The following CYP3A7 variants were observed in gnomAD, a reference collection of about 807,000 sequenced individuals.
CYP3A7 encodes the protein cytochrome P450 3A7.
A neutral mutation model predicts 55.2 loss-of-function variants in CYP3A7; 45 were observed. The observed-to-expected ratio is 0.82, with a 90% CI of 0.64 to 1.05. The LOEUF (loss-of-function observed/expected upper bound fraction) is 1.05. CYP3A7 is among the 50% of genes least tolerant of loss of function. The pLI is 0.00. For synonymous variants in CYP3A7, 180 were observed against 207.4 expected (o/e 0.87, Z 1.13); for missense variants, 548 against 605.3 (o/e 0.91, Z 0.99).
intron 9 of CYP3A7, 137 bp downstream of exon 9, chr7:99,713,332 T>C: frequency 7.3e-7 from 1 of 1,376,760 alleles, no homozygotes; most frequent in East Asian, 2.5e-5. Context: ...CCAGCTACCA[T>C]TTTAACATCC....
intron 12 of CYP3A7, 102 bp from the exon 13 acceptor site, chr7:99,705,697 AC>A (rs1177499794): frequency 1.6e-5 from 22 of 1,385,046 alleles, no homozygotes; most frequent in East Asian, 7.2e-5. Flanking sequence ...TGCTTTGTAA[AC>A]ATATAAAAAC....
intron 1 of CYP3A7, among the ~76,000 whole-genome samples, chr7:99,734,529 A>G (rs1168923495): frequency 6.6e-6 from 1 of 152,184 alleles, no homozygotes; most frequent in Non-Finnish European, 1.5e-5. Flanking sequence ...TTATTCCTTT[A>G]TAGATCTGCA....
chr7:99,723,989 A>T (rs2404770), intron 2 of CYP3A7, among the ~76,000 whole-genome samples: 1 of 151,984 alleles, frequency 6.6e-6, no homozygotes, highest in Admixed American at 6.5e-5. Context: ...TCACCTTGGC[A>T]CAAGTACCAC....
At chr7:99,720,488 C>G in intron 3 of CYP3A7, 76 bp from the exon 4 acceptor site, 1 of 1,523,164 alleles carries the variant, frequency 6.6e-7, no homozygotes, top group Admixed American at 1.7e-5. Context: ...GGAAGCCAGA[C>G]TTTGATCCGG....
At chr7:99,731,035 A>G (rs748107094) in intron 2 of CYP3A7, 24 bp downstream of exon 2, 15 of 1,613,294 alleles carry the variant, frequency 9.3e-6, no homozygotes, top group Non-Finnish European at 1.3e-5. Context: ...TAAGAAGCAA[A>G]AGAGGAAGCT....
Position 99,722,176 on chromosome 7 carries a change from T to A in CYP3A7, c.218+120A>T, listed in dbSNP as rs1314962412. On this transcript the variant is annotated intron_variant, in intron 3 of 12. Coordinates refer to ENST00000336374, the MANE Select transcript of CYP3A7 (RefSeq NM_000765.5). ...TCTTCTTTCAGAAAACCTCTCTGTT[T>A]GTAGTTAGGCTGGCAAGAGCTTCAT... 3.2e-6 allele frequency: 4 copies of A among 1,250,214 alleles called. No homozygotes were observed. In the East Asian group the frequency reaches 7.1e-5, roughly 22 times the overall value. The allele number at this position is 1,250,214 out of a possible 1,614,324, so 77.4% of individuals were successfully genotyped here. A position where few individuals can be genotyped will look rare whatever the true frequency, so the allele number is the denominator to read the frequency against.
Position 99,735,027 on chromosome 7 carries a change from A to G in CYP3A7, c.67T>C (p.Tyr23His). ...GGAGCCTGAACAGTTACTCACAGAT[A>G]GAGGAGTATCAGGCTGACAGCCAGG... ...LLLAVSLILL[Y>H]LYGTRTHGLF... Residue 23 changes from tyrosine (Y) to histidine (H), a missense_variant, in exon 1 of 13, where the codon TAT becomes CAT. Coordinates refer to ENST00000336374, the MANE Select transcript of CYP3A7 (RefSeq NM_000765.5). 4 of 1,614,134 alleles carry G rather than the reference A, an allele frequency of 2.5e-6. No homozygotes were observed. The highest frequency in any genetic ancestry group is 2.5e-6 in the Non-Finnish European group (3 of 1,179,970).
At chr7:99,713,592 A>C (rs912221165) in intron 8 of CYP3A7, 57 bp from the exon 9 acceptor site, 9 of 1,610,776 alleles carry the variant, frequency 5.6e-6, no homozygotes, top group African/African-American at 4.0e-5. Context: ...GTCAGAAGTT[A>C]ATCAGAAGTG....
At chr7:99,710,637 T>A in intron 10 of CYP3A7, 95 bp downstream of exon 10, 1 of 1,595,658 alleles carries the variant, frequency 6.3e-7, no homozygotes, top group Admixed American at 1.7e-5. Flanking sequence ...CAATCATGAT[T>A]ATGCTTTTTA....
chr7:99,713,635 C>A (rs1813836236), intron 8 of CYP3A7, 100 bp from the exon 9 acceptor site: 1 of 1,519,618 alleles, frequency 6.6e-7, no homozygotes, highest in South Asian at 1.1e-5. Context: ...GAATATAGCC[C>A]CTTGGAGACC....
chr7:99,733,455 C>G (rs143867124), intron 1 of CYP3A7, among the ~76,000 whole-genome samples: 20 of 152,264 alleles, frequency 1.3e-4, no homozygotes, highest in East Asian at 5.8e-4. Flanking sequence ...AATCCATCAT[C>G]TATTGCATGT....
chr7:99,705,765 G>C (rs140346984), intron 12 of CYP3A7, among the ~76,000 whole-genome samples, 170 bp from the exon 13 acceptor site: 1 of 152,298 alleles, frequency 6.6e-6, no homozygotes, highest in African/African-American at 2.4e-5. Flanking sequence ...GATGTGTGAA[G>C]ATTGGATAGT....
At chr7:99,718,738 A>AT (rs1415098442) in intron 4 of CYP3A7, among the ~76,000 whole-genome samples, 1 of 152,246 alleles carries the variant, frequency 6.6e-6, no homozygotes, top group East Asian at 1.9e-4. Flanking sequence ...AAGTGACATA[A>AT]TTGTCAATGT....
At chr7:99,705,785 C>T (rs1383777848) in intron 12 of CYP3A7, among the ~76,000 whole-genome samples, 190 bp from the exon 13 acceptor site, 4 of 152,184 alleles carry the variant, frequency 2.6e-5, no homozygotes, top group African/African-American at 7.2e-5. Context: ...TGAGAACATT[C>T]ATCATCTATC....
At chr7:99,733,835 G>C (rs1489977791) in intron 1 of CYP3A7, among the ~76,000 whole-genome samples, 7 of 152,154 alleles carry the variant, frequency 4.6e-5, no homozygotes, top group Non-Finnish European at 8.8e-5. Context: ...TGAGAGTTTA[G>C]GATAACCTGC....
Position 99,705,414 on chromosome 7 carries a change from A to T in CYP3A7, c.*86T>A, listed in dbSNP as rs1813481780. On this transcript the variant is annotated 3_prime_UTR_variant, in exon 13 of 13. Coordinates refer to ENST00000336374, the MANE Select transcript of CYP3A7 (RefSeq NM_000765.5). ...ATTGGATGAAGCCCGTCTTCATTTC[A>T]GGGTTCTATTTGTAAAGTAATTTGA... 6.9e-7 allele frequency: 1 copy of T among 1,446,266 alleles called. No individual in the cohort carries two copies. The highest frequency in any genetic ancestry group is 1.1e-5 in the South Asian group (1 of 87,282). The allele number at this position is 1,446,266 out of a possible 1,614,324, so 89.6% of individuals were successfully genotyped here.
At chr7:99,728,403 T>G (rs1814495298) in intron 2 of CYP3A7, among the ~76,000 whole-genome samples, 1 of 152,202 alleles carries the variant, frequency 6.6e-6, no homozygotes, top group Non-Finnish European at 1.5e-5. Flanking sequence ...AAAGTTTGGT[T>G]GTAGACACTA....
In CYP3A7 at chr7:99,705,546, A is replaced by G; in HGVS notation, c.1466T>C (p.Ile489Thr). ...ATCCCTTGACTCAGCCTTTAGAACA[A>G]TGGGTTTTTCTGTTAGAAGAAGTCC... ...FGGLLLTEKP[I>T]VLKAESRDET... The change falls in exon 13 of 13, where the codon ATT becomes ACT. Residue 489 changes from isoleucine (I) to threonine (T), a missense_variant. Ile to Thr is a moderately conservative substitution (Grantham distance 89). Coordinates refer to ENST00000336374, the MANE Select transcript of CYP3A7 (RefSeq NM_000765.5). 1.9e-6 allele frequency: 3 copies of G among 1,613,692 alleles called. No homozygotes were observed. Among genetic ancestry groups the G allele is most frequent in the Non-Finnish European group, 2.5e-6 (3 of 1,179,706 alleles).
At chr7:99,714,897 A>G (rs539786187) in intron 7 of CYP3A7, among the ~76,000 whole-genome samples, 5 of 152,326 alleles carry the variant, frequency 3.3e-5, no homozygotes, top group Non-Finnish European at 7.4e-5. Context: ...CAGTGAGATC[A>G]GCAGCCCCTT....
Sources: gnomAD v4.1 joint callset for allele counts (sites outside exome capture counted in the v4.1 genomes callset) on GRCh38, gnomAD v4.1.1 for gene constraint, MANE v1.5 for transcripts, NCBI Gene and HGNC (gene_info 2026-07-23, HGNC 2026-07-21) for gene names.